The following ADPRHL1 variants were observed in gnomAD, a reference collection of about 807,000 sequenced individuals.
The protein encoded by ADPRHL1 is ADP-ribosylhydrolase like 1.
A neutral mutation model predicts 44.1 loss-of-function variants in ADPRHL1; 43 were observed. The observed-to-expected ratio is 0.98, with a 90% CI of 0.76 to 1.26. The LOEUF (loss-of-function observed/expected upper bound fraction) is 1.26. ADPRHL1 is among the 50% of genes most tolerant of loss of function. ADPRHL1 has a pLI of 0.00. For missense variants in ADPRHL1, 2,022 were observed against 2,496.9 expected, an observed-to-expected ratio of 0.81 and a Z score of 4.05; for synonymous variants, 878 against 1,017.4, an observed-to-expected ratio of 0.86 and a Z score of 2.61.
rs1026843493 is a variant in ADPRHL1, at chr13:113,400,309, C to A, written c.*3069G>T. The A allele has an allele frequency of 6.6e-6, 1 of 151,438 alleles. No homozygotes were observed. The highest frequency in any genetic ancestry group is 2.4e-5 in the African/African-American group (1 of 41,254). The allele number at this position is 151,438 out of a possible 1,614,324, so 9.4% of individuals were successfully genotyped here. ...TACAGGCACCCACCACCACGCCCGG[C>A]TAATTTTTGTATTTTTAGTAGAGAC... On this transcript the variant is annotated 3_prime_UTR_variant, in exon 8 of 8. Transcript: ENST00000612156.
At chr13:113,415,528 G>A (rs1031028369) in intron 7 of ADPRHL1, among the ~76,000 whole-genome samples, 11 of 152,210 alleles carry the variant, frequency 7.2e-5, no homozygotes, top group South Asian at 2.1e-4. Context: ...CGAGGCAGGC[G>A]GATCACGAGG....
At chr13:113,421,888 A>C (rs997603422) in intron 7 of ADPRHL1, 7 of 152,242 alleles carry the variant, frequency 4.6e-5, no homozygotes, top group African/African-American at 1.7e-4. Context: ...CGAGCCCTTT[A>C]ATGAAATCAC....
At position 113,404,453 on chromosome 13, in the gene ADPRHL1, T is replaced by A. The variant is rs1408316223; in HGVS notation, c.4829A>T (p.Glu1610Val). The A allele has an allele frequency of 4.6e-6, 6 of 1,294,930 alleles. No individual in the cohort carries two copies. Among genetic ancestry groups the A allele is most frequent in the Middle Eastern group, 2.9e-4 (1 of 3,390 alleles). The allele number at this position is 1,294,930 out of a possible 1,614,324, so 80.2% of individuals were successfully genotyped here. A position where few individuals can be genotyped will look rare whatever the true frequency, so the allele number is the denominator to read the frequency against. The change falls in exon 8 of 8, where the codon GAA (glutamate) becomes GTA (valine). Residue 1610 changes from glutamate to valine, a missense_variant. Coordinates refer to ENST00000612156, the MANE Select transcript of ADPRHL1 (RefSeq NM_001394807.1). ...CCACTGGGCCTGTCCCTGAGCCTCT[T>A]CCTGGGCCCATTTCTGAACCTCTCC... ...VQGEVQKWAQ[E>V]EAQGQAQWQT... is the part of the protein sequence containing the mutation.
intron 7 of ADPRHL1, among the ~76,000 whole-genome samples, chr13:113,419,278 G>GTTT (rs1448694797): frequency 1.3e-5 from 1 of 77,310 alleles, no homozygotes; most frequent in African/African-American, 6.3e-5. Context: ...GCTAATTTTT[G>GTTT]TATTTTTTTT....
At chr13:113,430,088 C>T (rs376153176) in intron 3 of ADPRHL1, among the ~76,000 whole-genome samples, 5 of 152,220 alleles carry the variant, frequency 3.3e-5, no homozygotes, top group African/African-American at 7.2e-5. Flanking sequence ...CTGCACCTCA[C>T]GGAGCAGGTG....
intron 2 of ADPRHL1, among the ~76,000 whole-genome samples, chr13:113,437,802 G>C (rs1191631581): frequency 6.6e-6 from 1 of 152,210 alleles, no homozygotes; most frequent in Admixed American, 6.5e-5. Flanking sequence ...TGCTGGGGCA[G>C]AGCCTCCAGA....
At position 113,453,017 on chromosome 13, in the gene ADPRHL1, CAG is replaced by C. The variant is rs2044187992; in HGVS notation, c.214+205_214+206del. ...CAAAGTAAAGTAATACTGTCACCCT[CAG>C]AGAAACCACAGGAGAAACGTGATCT... On this transcript the variant is annotated intron_variant, in intron 1 of 7. Transcript: ENST00000612156. This position sits in a 1 kb window ranked among gnomAD's most constrained non-coding sequence, Gnocchi z 5.4. 6.6e-6 allele frequency among the ~76,000 whole-genome samples: 1 copy of C among 152,210 alleles called. No homozygotes were observed. The highest frequency in any genetic ancestry group is 2.1e-4 in the South Asian group (1 of 4,836).
intron 1 of ADPRHL1, among the ~76,000 whole-genome samples, chr13:113,445,971 AGT>A (rs769897085): frequency 1.3e-3 from 196 of 146,832 alleles, no homozygotes; most frequent in African/African-American, 2.8e-3. Flanking sequence ...CCCTGGAGAG[AGT>A]GCACAGGATC....
At chr13:113,421,028 A>AC (rs1216927717) in intron 7 of ADPRHL1, among the ~76,000 whole-genome samples, 53 of 70,912 alleles carry the variant, frequency 7.5e-4, no homozygotes, top group African/African-American at 2.5e-3. Flanking sequence ...GGACACCCCT[A>AC]CCCCCCGCCA....
chr13:113,428,643 C>T lies in ADPRHL1; in HGVS notation c.646+309G>A, dbSNP rs554204781. On this transcript the variant is annotated intron_variant, in intron 4 of 7. Transcript: ENST00000612156. ...CACTCACATCCCAGTGGCTGCCAGT[C>T]GCTTGGTGCCGCGGGCTGGGGTGGA... 8.7e-4 allele frequency among the ~76,000 whole-genome samples: 133 copies of T among 152,372 alleles called. No individual in the cohort carries two copies. In the Middle Eastern group the frequency reaches 0.01, roughly 12 times the overall value.
Position 113,407,076 on chromosome 13 carries a change from C to A in ADPRHL1, c.2206G>T (p.Gly736Ter). ...GCAGTCCCATCACCTCCGGCTGATC[C>A]GGTGCCCCAAGGGCTGGCCGGTCCC... ...PLGPASPWGT[G>*]SAGGDGTADP... The change falls in exon 8 of 8, where the codon GGA (glycine) becomes TGA (stop). Residue 736 changes from glycine to a stop codon, truncating the protein, a stop_gained. Coordinates refer to ENST00000612156, the MANE Select transcript of ADPRHL1 (RefSeq NM_001394807.1). LOFTEE classifies it low-confidence loss of function (END_TRUNC). 2 of 1,232,286 alleles carry A rather than the reference C, an allele frequency of 1.6e-6. No homozygotes were observed. The highest frequency in any genetic ancestry group is 2.0e-6 in the Non-Finnish European group (2 of 988,102). The allele number at this position is 1,232,286 out of a possible 1,614,324, so 76.3% of individuals were successfully genotyped here. A position where few individuals can be genotyped will look rare whatever the true frequency, so the allele number is the denominator to read the frequency against.
intron 1 of ADPRHL1, among the ~76,000 whole-genome samples, chr13:113,445,487 C>T (rs994142396): frequency 7.9e-5 from 12 of 152,356 alleles, no homozygotes; most frequent in Admixed American, 7.2e-4. Flanking sequence ...CTCCCAACGG[C>T]CACTTTAACA....
rs1053297848 is a variant in ADPRHL1, at chr13:113,407,839, C to T, written c.1443G>A (p.Pro481=). 1.9e-5 allele frequency: 23 copies of T among 1,231,816 alleles called. No individual in the cohort carries two copies. The highest frequency in any genetic ancestry group is 4.2e-5 in the Admixed American group (1 of 23,708). 76.3% of individuals were successfully genotyped at this position (1,231,816 alleles called of 1,614,324 possible). A position where few individuals can be genotyped will look rare whatever the true frequency, so the allele number is the denominator to read the frequency against. The part of the protein sequence containing the change: ...INKLLEKTKE[P]APKPCLSEKP... Reference sequence around the variant, plus strand: ...TCTCGCTGAGGCAGGGCTTTGGGGCCGGCTCCTTGGTCTTCTCCAGGAGCT... The same window carrying T: ...TCTCGCTGAGGCAGGGCTTTGGGGCTGGCTCCTTGGTCTTCTCCAGGAGCT... Residue 481 remains proline, a synonymous_variant, in exon 8 of 8, where the codon CCG becomes CCA. Transcript: ENST00000612156.
Position 113,424,335 on chromosome 13 carries a change from C to T in ADPRHL1, c.789G>A (p.Trp263Ter), listed in dbSNP as rs367917104. ...AEEREKTYRK[W>*]SSEGRGGRRG... is the part of the protein sequence containing the mutation. The stretch of plus-strand genomic sequence containing the variant: ...GTCTTCCCCCTCGACCTTCCGAGCT[C>T]CACTTCCTGTAGGTCTGACAAGAGA... Residue 263 changes from tryptophan (W) to a stop codon, truncating the protein, a stop_gained, in exon 6 of 8, where the codon TGG (tryptophan) becomes TGA (stop). Coordinates refer to ENST00000612156, the MANE Select transcript of ADPRHL1 (RefSeq NM_001394807.1). LOFTEE classifies it high-confidence loss of function. 3 of 1,612,762 alleles carry T rather than the reference C, an allele frequency of 1.9e-6. No individual in the cohort carries two copies. The highest frequency in any genetic ancestry group is 8.5e-7 in the Non-Finnish European group (1 of 1,179,894).
intron 2 of ADPRHL1, among the ~76,000 whole-genome samples, chr13:113,439,478 T>C (rs1338219526): frequency 6.7e-6 from 1 of 149,746 alleles, no homozygotes; most frequent in African/African-American, 2.5e-5. Flanking sequence ...AGACGGCGTC[T>C]TGCTCTGTCG....
rs1284058542 is a variant in ADPRHL1, at chr13:113,433,749, A to G, written c.498T>C (p.His166=). The G allele has an allele frequency of 6.6e-7, 1 of 1,523,828 alleles. No homozygotes were observed. The highest frequency in any genetic ancestry group is 8.8e-7 in the Non-Finnish European group (1 of 1,132,874). The allele number at this position is 1,523,828 out of a possible 1,614,324, so 94.4% of individuals were successfully genotyped here. A position where few individuals can be genotyped will look rare whatever the true frequency, so the allele number is the denominator to read the frequency against. ...CCCCCCGCCCACACTTACCTGTGGGATGGTTGTGGGTCATCCGGCCGCACT... is the reference window on the plus strand; with the variant it reads ...CCCCCCGCCCACACTTACCTGTGGGGTGGTTGTGGGTCATCCGGCCGCACT... ...SVECGRMTHN[H]PTGFLGSLCT... Residue 166 remains histidine (H), a synonymous_variant, in exon 3 of 8, where the codon CAT becomes CAC. Transcript: ENST00000612156.
At chr13:113,432,637 A>G (rs7139776) in intron 3 of ADPRHL1, among the ~76,000 whole-genome samples, 150,778 of 152,218 alleles carry the variant, frequency 0.99, 74,689 homozygotes, top group Middle Eastern at 1. Context: ...AAAGGCACGC[A>G]CCTGCTTTGC....
Position 113,406,707 on chromosome 13 carries a change from T to TG in ADPRHL1, c.2574dup (p.Arg859GlnfsTer9). 1 of 1,231,910 alleles carries TG rather than the reference T, an allele frequency of 8.1e-7. No homozygotes were observed. Among genetic ancestry groups the TG allele is most frequent in the Non-Finnish European group, 1.0e-6 (1 of 987,934 alleles). The allele number at this position is 1,231,910 out of a possible 1,614,324, so 76.3% of individuals were successfully genotyped here. ...TCACCACTTGACATATTTTGCAGCC[T>TG]GGTGGGAGGGGCTGGCATTTCATGG... On this transcript the variant is annotated frameshift_variant, in exon 8 of 8. Coordinates refer to ENST00000612156, the MANE Select transcript of ADPRHL1 (RefSeq NM_001394807.1). LOFTEE classifies it low-confidence loss of function (END_TRUNC).
chr13:113,447,003 T>C (rs1233408403), intron 1 of ADPRHL1, among the ~76,000 whole-genome samples: 35 of 130,318 alleles, frequency 2.7e-4, no homozygotes, highest in East Asian at 5.1e-4. Flanking sequence ...GTGTGCATGG[T>C]GTCTACATGC....
Sources: allele counts gnomAD v4.1 joint callset (sites outside exome capture counted in the v4.1 genomes callset), GRCh38; gene constraint gnomAD v4.1.1; non-coding constraint Gnocchi (gnomAD v3.1); transcripts MANE v1.5; gene names NCBI Gene and HGNC (gene_info 2026-07-23, HGNC 2026-07-21).